Variants in TTC29 observed in about 807,000 individuals in gnomAD.
TTC29 encodes tetratricopeptide repeat domain 29.
A neutral mutation model predicts 58.1 loss-of-function variants in TTC29; 49 were observed. The observed-to-expected ratio is 0.84, with a 90% CI of 0.67 to 1.07. The LOEUF (loss-of-function observed/expected upper bound fraction) is 1.07. Ranked by LOEUF, TTC29 falls within the 50% of genes least tolerant of loss-of-function variation. The probability of loss-of-function intolerance (pLI) is 0.00; values close to 1 mark genes in which losing one functional copy is unlikely to be tolerated. For synonymous variants in TTC29, 209 were observed against 196.8 expected (o/e 1.06, Z -0.52); for missense variants, 582 against 555.6 (o/e 1.05, Z -0.48).
rs1225937267 is a variant in TTC29 at position 146,867,540 on chromosome 4, G to C, written c.843C>G (p.Gly281=). The part of the protein sequence containing the change: ...KMEAEASYYL[G]LAHLAAEEYE... ...ATTCCTCAGCAGCTAAGTGTGCTAA[G>C]CCCAAGTAGTAAGAGGCTTCCGCTT... Residue 281 remains glycine (G), a synonymous_variant, in exon 8 of 13, where the codon GGC becomes GGG. Coordinates refer to ENST00000325106, the MANE Select transcript of TTC29 (RefSeq NM_031956.4). 1.9e-6 allele frequency: 3 copies of C among 1,557,120 alleles called. No homozygotes were observed. The highest frequency in any genetic ancestry group is 2.6e-6 in the Non-Finnish European group (3 of 1,150,154).
intron 6 of TTC29, among the ~76,000 whole-genome samples, chr4:146,899,800 C>T (rs936697216): frequency 5.9e-5 from 9 of 152,136 alleles, no homozygotes; most frequent in African/African-American, 9.7e-5. Flanking sequence ...TGGAGCCCTG[C>T]CAAAGACTAT....
intron 11 of TTC29, among the ~76,000 whole-genome samples, chr4:146,716,155 A>T (rs1221327422): frequency 1.3e-5 from 2 of 152,188 alleles, no homozygotes; most frequent in African/African-American, 4.8e-5. Context: ...TATCCTTCTC[A>T]TATATTCCCC....
chr4:146,860,217 C>G (rs1730136225), intron 8 of TTC29, among the ~76,000 whole-genome samples: 1 of 151,786 alleles, frequency 6.6e-6, no homozygotes, highest in African/African-American at 2.4e-5. Flanking sequence ...AGAACTCTCT[C>G]CCCCCAAAAC....
chr4:146,879,225 T>C (rs1347459526), intron 6 of TTC29, among the ~76,000 whole-genome samples: 1 of 152,186 alleles, frequency 6.6e-6, no homozygotes, highest in African/African-American at 2.4e-5. Context: ...TATTATGATA[T>C]AGTAGAATAT....
At chr4:146,789,979 TCTTA>T (rs1749308964) in intron 11 of TTC29, among the ~76,000 whole-genome samples, 3 of 152,090 alleles carry the variant, frequency 2.0e-5, no homozygotes, top group Non-Finnish European at 2.9e-5. Flanking sequence ...AAACTTCAAT[TCTTA>T]CTTCTCTCCC....
chr4:146,725,997 C>T (rs1437608662), intron 11 of TTC29, among the ~76,000 whole-genome samples: 2 of 152,126 alleles, frequency 1.3e-5, no homozygotes, highest in Admixed American at 1.3e-4. Context: ...CTCAGTCTCC[C>T]AAATAATTAG....
At chr4:146,816,142 T>C (rs1051601454) in intron 10 of TTC29, among the ~76,000 whole-genome samples, 1 of 151,006 alleles carries the variant, frequency 6.6e-6, no homozygotes, top group African/African-American at 2.5e-5. Context: ...TTTCATCAGT[T>C]CATCCCTATT....
chr4:146,928,067 G>T (rs376252101), intron 4 of TTC29, among the ~76,000 whole-genome samples: 61 of 152,196 alleles, frequency 4.0e-4, no homozygotes, highest in African/African-American at 1.5e-3. Context: ...TAATACAGTC[G>T]AGCCATTTAA....
At chr4:146,728,849 A>ATATATACGTG (rs1267339124) in intron 11 of TTC29, among the ~76,000 whole-genome samples, 1 of 54,378 alleles carries the variant, frequency 1.8e-5, no homozygotes, top group Non-Finnish European at 4.1e-5. Context: ...ATATATATGT[A>ATATATACGTG]TATATATACA....
Position 146,892,167 on chromosome 4 carries a change from TG to T in TTC29, c.586+11376del, listed in dbSNP as rs371883745. Among the ~76,000 whole-genome samples, 239 of 152,228 alleles carry T rather than the reference TG, an allele frequency of 1.6e-3. 2 individuals carry two copies. Among genetic ancestry groups the T allele is most frequent in the African/African-American group, 5.5e-3 (228 of 41,556 alleles). On this transcript the variant is annotated intron_variant, in intron 6 of 12. Transcript: ENST00000325106. ...ATAGTGAGTGAGTTCTCATGAAATC[TG>T]GTTGTTTAAAGTGTGTAGCAGTTCC... is the stretch of plus-strand genomic sequence containing the variant.
rs1232691270 is a variant in TTC29 at position 146,833,973 on chromosome 4, A to T, written c.886-76T>A. The T allele has an allele frequency of 3.1e-6, 3 of 966,998 alleles. No homozygotes were observed. In the East Asian group the frequency reaches 8.3e-5, roughly 27 times the overall value. 59.9% of individuals were successfully genotyped at this position (966,998 alleles called of 1,614,324 possible). A position where few individuals can be genotyped will look rare whatever the true frequency, so the allele number is the denominator to read the frequency against. On this transcript the variant is annotated intron_variant, in intron 8 of 12. Coordinates refer to ENST00000325106, the MANE Select transcript of TTC29 (RefSeq NM_031956.4). ...GATGTTTCATTTCATAACAGAAAAA[A>T]ATAAAATTAATAGTTGGTTTTAATG...
chr4:146,712,288 T>TAACA (rs1476611005), intron 11 of TTC29, among the ~76,000 whole-genome samples: 2 of 152,114 alleles, frequency 1.3e-5, no homozygotes, highest in African/African-American at 4.8e-5. Context: ...TTATTTGAAG[T>TAACA]AACATATAAA....
chr4:146,925,865 T>C (rs967335324), intron 4 of TTC29, among the ~76,000 whole-genome samples: 2 of 152,192 alleles, frequency 1.3e-5, no homozygotes, highest in African/African-American at 4.8e-5. Flanking sequence ...ATTTCAAATA[T>C]ATGTCATCCA....
intron 6 of TTC29, among the ~76,000 whole-genome samples, chr4:146,897,681 C>T (rs1732864904): frequency 6.6e-6 from 1 of 152,182 alleles, no homozygotes; most frequent in South Asian, 2.1e-4. Context: ...AGACCAGCAC[C>T]CTGCTATTGC....
chr4:146,856,768 C>A (rs972482847), intron 8 of TTC29, among the ~76,000 whole-genome samples: 4 of 150,890 alleles, frequency 2.7e-5, no homozygotes, highest in Non-Finnish European at 5.9e-5. Context: ...AGAGCTACTC[C>A]TTATTGATGA....
chr4:146,743,466 A>G (rs927654495), intron 11 of TTC29, among the ~76,000 whole-genome samples: 1 of 152,196 alleles, frequency 6.6e-6, no homozygotes, highest in African/African-American at 2.4e-5. Flanking sequence ...TAGAGAGTTC[A>G]GAAGTGAACA....
At chr4:146,767,394 A>G (rs557263764) in intron 11 of TTC29, among the ~76,000 whole-genome samples, 4 of 151,786 alleles carry the variant, frequency 2.6e-5, no homozygotes, top group African/African-American at 9.7e-5. Context: ...ATCTTTCCCT[A>G]CCTTTCTTCT....
intron 8 of TTC29, among the ~76,000 whole-genome samples, chr4:146,847,886 T>TC (rs1729276340): frequency 6.6e-6 from 1 of 152,200 alleles, no homozygotes; most frequent in Admixed American, 6.5e-5. Context: ...CCTGGATAAC[T>TC]CCAACACCAA....
intron 4 of TTC29, among the ~76,000 whole-genome samples, chr4:146,916,136 A>G (rs966055539): frequency 2.6e-5 from 4 of 151,792 alleles, no homozygotes; most frequent in African/African-American, 9.7e-5. Context: ...AAAGTGAATC[A>G]CTATTCTTAC....
Sources: allele counts gnomAD v4.1 joint callset (sites outside exome capture counted in the v4.1 genomes callset), GRCh38; gene constraint gnomAD v4.1.1; transcripts MANE v1.5; gene names NCBI Gene and HGNC (gene_info 2026-07-23, HGNC 2026-07-21).